Variants in FBXL13 observed in about 807,000 individuals in gnomAD.
FBXL13 encodes F-box and leucine-rich repeat protein 13.
In FBXL13, 67 loss-of-function variants were observed where a neutral mutation model predicts 83.6. That is an observed-to-expected ratio of 0.80 (90% CI 0.66 to 0.98). The LOEUF (loss-of-function observed/expected upper bound fraction) is 0.98, where lower values mean the gene tolerates loss of function less well. Among genes scored for constraint, FBXL13 ranks in the 50% least tolerant of loss-of-function variants. The probability of loss-of-function intolerance (pLI) is 0.00; values close to 1 mark genes in which losing one functional copy is unlikely to be tolerated. For synonymous variants in FBXL13, 272 were observed against 299.5 expected, an observed-to-expected ratio of 0.91 and a Z score of 0.95; for missense variants, 822 against 866.5, an observed-to-expected ratio of 0.95 and a Z score of 0.64.
Position 103,044,696 on chromosome 7 carries a change from T to A in FBXL13, c.-1+10948A>T, listed in dbSNP as rs544993485. The stretch of plus-strand genomic sequence containing the variant: ...TAAAATGTTTCCATAATAAAAAGAT[T>A]TTTTAAATTTTATATATGCTTTCTC... On this transcript the variant is annotated intron_variant, in intron 2 of 19. Coordinates refer to ENST00000313221, the Ensembl canonical transcript of FBXL13. 9.8e-4 allele frequency among the ~76,000 whole-genome samples: 150 copies of A among 152,310 alleles called. 2 individuals carry two copies. The South Asian group carries it at 0.03, about 30-fold the overall frequency.
At chr7:102,819,643 G>T (rs754807669) in intron 19 of FBXL13, among the ~76,000 whole-genome samples, 4 of 152,156 alleles carry the variant, frequency 2.6e-5, no homozygotes, top group Admixed American at 2.0e-4. Context: ...TCAAGCATGT[G>T]GAGAGCATTG....
At chr7:103,059,789 C>A (rs765349820) in intron 1 of FBXL13, among the ~76,000 whole-genome samples, 8 of 151,908 alleles carry the variant, frequency 5.3e-5, no homozygotes, top group Non-Finnish European at 1.0e-4. Context: ...TCTCCTGCTA[C>A]CTATCTTTCA....
intron 18 of FBXL13, among the ~76,000 whole-genome samples, chr7:102,830,034 C>T (rs1414472568): frequency 6.6e-6 from 1 of 152,158 alleles, no homozygotes; most frequent in Non-Finnish European, 1.5e-5. Context: ...TATCAGCGTT[C>T]TAAAATAATT....
intron 17 of FBXL13, among the ~76,000 whole-genome samples, chr7:102,852,468 C>T (rs537033133): frequency 1.2e-4 from 18 of 151,934 alleles, no homozygotes; most frequent in Admixed American, 3.3e-4. Context: ...AAATCTACAA[C>T]GAACTCAAAC....
intron 1 of FBXL13, among the ~76,000 whole-genome samples, chr7:103,059,373 C>T (rs532948691): frequency 1.3e-4 from 20 of 152,224 alleles, no homozygotes; most frequent in African/African-American, 3.4e-4. Flanking sequence ...GAGTGAACAG[C>T]GCATAGCTAC....
At chr7:103,001,968 C>G (rs890266951) in intron 6 of FBXL13, among the ~76,000 whole-genome samples, 1 of 152,110 alleles carries the variant, frequency 6.6e-6, no homozygotes. Flanking sequence ...ATCCATATAT[C>G]CTATTGGTTC....
chr7:102,934,513 TAAA>T (rs764907439), intron 8 of FBXL13: 11 of 1,612,216 alleles, frequency 6.8e-6, no homozygotes, highest in Non-Finnish European at 9.3e-6. Context: ...AACAAAAAAA[TAAA>T]AAACTGCGGC....
At chr7:102,927,442 A>C (rs1363628478) in intron 9 of FBXL13, among the ~76,000 whole-genome samples, 1 of 152,200 alleles carries the variant, frequency 6.6e-6, no homozygotes, top group Non-Finnish European at 1.5e-5. Context: ...TAAAGATAGT[A>C]AAGGCTTATT....
At chr7:102,863,933 C>T (rs1807250400) in intron 16 of FBXL13, among the ~76,000 whole-genome samples, 1 of 152,056 alleles carries the variant, frequency 6.6e-6, no homozygotes, top group South Asian at 2.1e-4. Flanking sequence ...CCCTAAATAT[C>T]TCTCAAATCT....
At chr7:102,821,740 A>T (rs1331444680) in intron 19 of FBXL13, among the ~76,000 whole-genome samples, 2 of 152,194 alleles carry the variant, frequency 1.3e-5, no homozygotes. Flanking sequence ...AGGGGAGATT[A>T]ACTGAATGGA....
chr7:102,976,999 C>T (rs1472059980), intron 6 of FBXL13, among the ~76,000 whole-genome samples: 1 of 152,168 alleles, frequency 6.6e-6, no homozygotes, highest in Admixed American at 6.5e-5. Flanking sequence ...ACCCTGATTC[C>T]CAAAACCTCT....
chr7:102,953,209 C>T (rs865883154), intron 8 of FBXL13, among the ~76,000 whole-genome samples: 2 of 152,064 alleles, frequency 1.3e-5, no homozygotes, highest in African/African-American at 4.8e-5. Flanking sequence ...GAAGGAAAAA[C>T]TACAGAGTAA....
At chr7:102,909,557 A>AT (rs1333561024) in intron 11 of FBXL13, among the ~76,000 whole-genome samples, 9 of 152,098 alleles carry the variant, frequency 5.9e-5, no homozygotes, top group African/African-American at 2.2e-4. Context: ...GTAGCTGGGT[A>AT]TTGCTGCTAG....
At chr7:103,014,848 C>CG (rs1198691923) in intron 6 of FBXL13, among the ~76,000 whole-genome samples, 10 of 134,250 alleles carry the variant, frequency 7.4e-5, no homozygotes, top group Non-Finnish European at 1.4e-4. Context: ...GCATGAACCC[C>CG]GGGGGGCGGA....
intron 9 of FBXL13, 91 bp from the exon 11 acceptor site, chr7:102,926,465 A>T (rs747170056): frequency 2.6e-4 from 240 of 940,436 alleles, no homozygotes; most frequent in Middle Eastern, 7.7e-4. Context: ...TTCCTGTTCC[A>T]GAAAAAAATA....
chr7:102,859,463 A>G (rs1412794264), intron 16 of FBXL13, among the ~76,000 whole-genome samples: 1 of 152,126 alleles, frequency 6.6e-6, no homozygotes. Flanking sequence ...CAGCAAGGTA[A>G]ATATTCTGTT....
intron 11 of FBXL13, among the ~76,000 whole-genome samples, chr7:102,886,298 A>C (rs543094175): frequency 3.9e-5 from 6 of 152,330 alleles, no homozygotes; most frequent in African/African-American, 1.4e-4. Flanking sequence ...TCTCCAGAAG[A>C]GTATGACAGG....
At chr7:102,981,331 A>C (rs1161702796) in intron 6 of FBXL13, among the ~76,000 whole-genome samples, 1 of 151,978 alleles carries the variant, frequency 6.6e-6, no homozygotes, top group Non-Finnish European at 1.5e-5. Context: ...TCTGGCTCCG[A>C]ATTTCCTAAA....
intron 11 of FBXL13, among the ~76,000 whole-genome samples, chr7:102,912,203 A>G (rs1053529223): frequency 6.6e-6 from 1 of 152,224 alleles, no homozygotes; most frequent in East Asian, 1.9e-4. Flanking sequence ...TAGTAAATAC[A>G]TACCACCACA....
Sources: allele counts gnomAD v4.1 joint callset (sites outside exome capture counted in the v4.1 genomes callset), GRCh38; gene constraint gnomAD v4.1.1; transcripts MANE v1.5; gene names NCBI Gene and HGNC (gene_info 2026-07-23, HGNC 2026-07-21).